NECTIN4: variants seen among roughly 807,000 people sequenced by gnomAD.
The protein encoded by NECTIN4 is nectin cell adhesion molecule 4.
NECTIN4 carries 19 observed loss-of-function variants against 51.7 expected under a neutral mutation model. The ratio of observed to expected loss-of-function variants is 0.37; its 90% CI spans 0.26 to 0.54. The LOEUF (loss-of-function observed/expected upper bound fraction) is 0.54. Ranked by LOEUF, NECTIN4 falls within the 20% of genes least tolerant of loss-of-function variation. NECTIN4 has a pLI of 0.86. For synonymous variants in NECTIN4, 283 were observed against 286.9 expected (o/e 0.99, Z 0.14); for missense variants, 619 against 662.4 (o/e 0.93, Z 0.72).
intron 1 of NECTIN4, 80 bp from the exon 2 acceptor site, chr1:161,080,029 C>A: frequency 6.7e-7 from 1 of 1,487,400 alleles, no homozygotes; most frequent in Non-Finnish European, 9.0e-7. Flanking sequence ...ATAATGACAG[C>A]AAAGGTGACC....
At chr1:161,082,319 C>T (rs1653717466) in intron 1 of NECTIN4, among the ~76,000 whole-genome samples, 1 of 151,916 alleles carries the variant, frequency 6.6e-6, no homozygotes, top group African/African-American at 2.4e-5. Context: ...CAAAGCAAGA[C>T]ACCATCCCCC....
In NECTIN4 at chr1:161,072,433, A is replaced by G. The variant is rs1438089878; in HGVS notation, c.*228T>C. On this transcript the variant is annotated 3_prime_UTR_variant, in exon 9 of 9. Coordinates refer to ENST00000368012, the MANE Select transcript of NECTIN4 (RefSeq NM_030916.3). ...ACACACACACAGTCAGTCAACACTC[A>G]CACAGGCACACATGCACACACACAG... The G allele has an allele frequency of 4.9e-6, 3 of 607,912 alleles. No individual in the cohort carries two copies. The African/African-American group carries it at 5.5e-5, about 11-fold the overall frequency. 37.7% of individuals were successfully genotyped at this position (607,912 alleles called of 1,614,324 possible).
intron 1 of NECTIN4, among the ~76,000 whole-genome samples, chr1:161,082,202 G>A (rs1313256248): frequency 3.3e-5 from 5 of 152,054 alleles, no homozygotes; most frequent in Non-Finnish European, 5.9e-5. Context: ...GGTGGCGGGC[G>A]CCTGTAGTCC....
intron 1 of NECTIN4, among the ~76,000 whole-genome samples, chr1:161,086,417 G>T (rs1398997115): frequency 6.6e-6 from 1 of 152,190 alleles, no homozygotes; most frequent in African/African-American, 2.4e-5. Context: ...GCCCCCCTCT[G>T]TAAACAGGAG....
chr1:161,072,573 G>T lies in NECTIN4; in HGVS notation c.*88C>A. On this transcript the variant is annotated 3_prime_UTR_variant, in exon 9 of 9. Coordinates refer to ENST00000368012, the MANE Select transcript of NECTIN4 (RefSeq NM_030916.3). The stretch of plus-strand genomic sequence containing the variant: ...ATGGGGAGCATCTTCCGCAAGAAAT[G>T]GGGGTGTTTAAGGAGGCCCCCAAGA... 9.4e-7 allele frequency: 1 copy of T among 1,067,240 alleles called. No individual in the cohort carries two copies. Among genetic ancestry groups the T allele is most frequent in the Non-Finnish European group, 1.5e-6 (1 of 683,630 alleles). The allele number at this position is 1,067,240 out of a possible 1,614,324, so 66.1% of individuals were successfully genotyped here. A position where few individuals can be genotyped will look rare whatever the true frequency, so the allele number is the denominator to read the frequency against.
At chr1:161,085,237 A>C (rs1257862953) in intron 1 of NECTIN4, among the ~76,000 whole-genome samples, 2 of 151,840 alleles carry the variant, frequency 1.3e-5, no homozygotes, top group African/African-American at 4.8e-5. Flanking sequence ...GTGTCTGGGG[A>C]GGGGGGCCAC....
At chr1:161,074,874 G>A in intron 4 of NECTIN4, 115 bp from the exon 5 acceptor site, 1 of 1,188,360 alleles carries the variant, frequency 8.4e-7, no homozygotes, top group Non-Finnish European at 1.2e-6. Flanking sequence ...AGAGCCGCAG[G>A]CTGTTCCCAC....
chr1:161,082,083 C>T (rs551004813), intron 1 of NECTIN4, among the ~76,000 whole-genome samples: 1 of 152,026 alleles, frequency 6.6e-6, no homozygotes, highest in Non-Finnish European at 1.5e-5. Context: ...AATCCCAGCA[C>T]TTTGGGAAGC....
chr1:161,079,629 CG>C lies in NECTIN4; in HGVS notation c.399del (p.Ala134ProfsTer20). 1 of 1,605,100 alleles carries C rather than the reference CG, an allele frequency of 6.2e-7. No homozygotes were observed. ...GEYECRVSTF[P>X]AGSFQARLRL... ...CGCAGCCGCGCCTGGAAGCTGCCGG[CG>C]GGGAAGGTGCTGACCCGGCACTCGT... On this transcript the variant is annotated frameshift_variant, in exon 2 of 9. Transcript: ENST00000368012. LOFTEE classifies it high-confidence loss of function.
At chr1:161,085,201 T>C (rs1340232313) in intron 1 of NECTIN4, among the ~76,000 whole-genome samples, 1 of 151,984 alleles carries the variant, frequency 6.6e-6, no homozygotes, top group South Asian at 2.1e-4. Context: ...CTTCCCAGCC[T>C]GGGCAAAACG....
chr1:161,079,964 G>A lies in NECTIN4; in HGVS notation c.80-15C>T. On this transcript the variant is annotated splice_polypyrimidine_tract_variant and intron_variant, in intron 1 of 8. Coordinates refer to ENST00000368012, the MANE Select transcript of NECTIN4 (RefSeq NM_030916.3). ...GGGGCACCGGCCTGCAGGGGGCAGA[G>A]AGGGACAGCCACCATTAGGGGTGCT... The A allele has an allele frequency of 6.3e-7, 1 of 1,586,276 alleles. No homozygotes were observed. The highest frequency in any genetic ancestry group is 8.6e-7 in the Non-Finnish European group (1 of 1,162,904).
Position 161,079,792 on chromosome 1 carries a change from T to C in NECTIN4, c.237A>G (p.Leu79=), listed in dbSNP as rs745443800. 3.1e-6 allele frequency: 5 copies of C among 1,613,232 alleles called. No individual in the cohort carries two copies. In the East Asian group the frequency reaches 1.1e-4, roughly 36 times the overall value. Residue 79 remains leucine (L), a synonymous_variant, in exon 2 of 9, where the codon CTA becomes CTG. Coordinates refer to ENST00000368012, the MANE Select transcript of NECTIN4 (RefSeq NM_030916.3). Reference sequence around the variant, plus strand: ...GCCCGTATTTGGAGTGCAGTAGCGCTAGTTCCTGGGCGCCTTCGCCCGCGT... The same window carrying C: ...GCCCGTATTTGGAGTGCAGTAGCGCCAGTTCCTGGGCGCCTTCGCCCGCGT... ...RVDAGEGAQE[L]ALLHSKYGLH...
Position 161,074,775 on chromosome 1 carries a change from G to A in NECTIN4, c.852-16C>T. On this transcript the variant is annotated splice_polypyrimidine_tract_variant and intron_variant, in intron 4 of 8. Coordinates refer to ENST00000368012, the MANE Select transcript of NECTIN4 (RefSeq NM_030916.3). Reference sequence around the variant, plus strand: ...CCCATCCAGCCTGGAAGACAGGGAAGCTGAAGGGTGCCAGCCGGGAAGGGC... The same window carrying A: ...CCCATCCAGCCTGGAAGACAGGGAAACTGAAGGGTGCCAGCCGGGAAGGGC... 1 of 1,611,840 alleles carries A rather than the reference G, an allele frequency of 6.2e-7. No homozygotes were observed.
intron 4 of NECTIN4, among the ~76,000 whole-genome samples, chr1:161,076,050 T>C (rs1194283134): frequency 6.6e-6 from 1 of 152,134 alleles, no homozygotes; most frequent in Non-Finnish European, 1.5e-5. Flanking sequence ...CACTCCAGCC[T>C]GGCGACAGAG....
chr1:161,077,359 G>T, intron 3 of NECTIN4, 94 bp downstream of exon 3: 1 of 1,403,990 alleles, frequency 7.1e-7, no homozygotes, highest in Non-Finnish European at 1.0e-6. Flanking sequence ...CAGGACCCAG[G>T]CTGGCCAGCC....
At chr1:161,073,885 G>T in intron 6 of NECTIN4, 90 bp from the exon 7 acceptor site, 1 of 1,181,280 alleles carries the variant, frequency 8.5e-7, no homozygotes, top group East Asian at 2.4e-5. Context: ...AGACAGGCCC[G>T]GAGGGTGTGG....
rs1654072283 is a variant in NECTIN4, at chr1:161,089,037, T to C, written c.79+181A>G. 6.6e-6 allele frequency among the ~76,000 whole-genome samples: 1 copy of C among 151,722 alleles called. No homozygotes were observed. The highest frequency in any genetic ancestry group is 2.4e-5 in the African/African-American group (1 of 41,260). On this transcript the variant is annotated intron_variant, in intron 1 of 8. Coordinates refer to ENST00000368012, the MANE Select transcript of NECTIN4 (RefSeq NM_030916.3). This position sits in a 1 kb window ranked among gnomAD's most constrained non-coding sequence, Gnocchi z 4.1. The stretch of plus-strand genomic sequence containing the variant: ...GGGAGGAAACAAGAAGGGGGAGGGC[T>C]ATACTGGCTTTTCTGGGGGCACTGC...
chr1:161,075,780 AAAAAT>A (rs886938159), intron 4 of NECTIN4, among the ~76,000 whole-genome samples: 1 of 150,756 alleles, frequency 6.6e-6, no homozygotes, highest in Admixed American at 6.6e-5. Context: ...TCAAAAAAAT[AAAAAT>A]AAAAGACAAG....
At chr1:161,075,449 G>A (rs948349183) in intron 4 of NECTIN4, among the ~76,000 whole-genome samples, 11 of 152,236 alleles carry the variant, frequency 7.2e-5, no homozygotes, top group South Asian at 2.1e-4. Flanking sequence ...TATTAATATC[G>A]AAATATTGTG....
Sources: allele counts gnomAD v4.1 joint callset (sites outside exome capture counted in the v4.1 genomes callset), GRCh38; gene constraint gnomAD v4.1.1; non-coding constraint Gnocchi (gnomAD v3.1); transcripts MANE v1.5; gene names NCBI Gene and HGNC (gene_info 2026-07-23, HGNC 2026-07-21).